The following TPX2 variants were observed in gnomAD, a reference collection of about 807,000 sequenced individuals.
TPX2 encodes the protein targeting protein for Xklp2.
In TPX2, 21 loss-of-function variants were observed where a neutral mutation model predicts 93.6. That is an observed-to-expected ratio of 0.22 (90% CI 0.16 to 0.32). The LOEUF (loss-of-function observed/expected upper bound fraction) is 0.32. Among genes scored for constraint, TPX2 ranks in the 10% least tolerant of loss-of-function variants. TPX2 has a pLI of 1.00. For synonymous variants in TPX2, 281 were observed against 298.3 expected (o/e 0.94, Z 0.60); for missense variants, 776 against 871.1 (o/e 0.89, Z 1.37).
intron 13 of TPX2, 75 bp from the exon 14 acceptor site, chr20:31,793,773 G>A (rs2062117434): frequency 2.2e-6 from 3 of 1,359,648 alleles, no homozygotes; most frequent in South Asian, 1.7e-5. Context: ...TTAATATAAT[G>A]TCTTCTGACT....
chr20:31,772,772 C>A (rs1023529987), intron 7 of TPX2, among the ~76,000 whole-genome samples: 3 of 152,020 alleles, frequency 2.0e-5, no homozygotes, highest in Admixed American at 1.3e-4. Flanking sequence ...TAACTATTTT[C>A]TGTTGAAAAT....
intron 2 of TPX2, among the ~76,000 whole-genome samples, chr20:31,753,991 A>C (rs2061836088): frequency 6.6e-6 from 1 of 152,126 alleles, no homozygotes; most frequent in Non-Finnish European, 1.5e-5. Context: ...ATGCCACTGC[A>C]CTCCAGCCTG....
At chr20:31,778,516 T>G (rs1261878984) in intron 9 of TPX2, among the ~76,000 whole-genome samples, 1 of 152,182 alleles carries the variant, frequency 6.6e-6, no homozygotes, top group Non-Finnish European at 1.5e-5. Context: ...TGTCTTCAAT[T>G]CTAAGATAGC....
At chr20:31,758,119 A>ATT (rs35354345) in intron 3 of TPX2, among the ~76,000 whole-genome samples, 13 of 115,258 alleles carry the variant, frequency 1.1e-4, no homozygotes, top group East Asian at 5.1e-4. Context: ...CCCTCAATTC[A>ATT]TTTTTTTTTT....
chr20:31,749,368 C>T (rs570504616), intron 2 of TPX2, among the ~76,000 whole-genome samples: 71 of 152,354 alleles, frequency 4.7e-4, no homozygotes, highest in African/African-American at 1.7e-3. Flanking sequence ...GTAAATCTCT[C>T]TGTGCCTCAA....
intron 12 of TPX2, 120 bp from the exon 13 acceptor site, chr20:31,792,615 C>A: frequency 1.1e-6 from 1 of 941,720 alleles, no homozygotes; most frequent in Non-Finnish European, 1.7e-6. Context: ...AGTTTGAGAC[C>A]AGCTGGGCAA....
chr20:31,775,853 G>T lies in TPX2; in HGVS notation c.609-14G>T. The T allele has an allele frequency of 6.5e-7, 1 of 1,543,944 alleles. No homozygotes were observed. The highest frequency in any genetic ancestry group is 1.3e-5 in the South Asian group (1 of 79,074). On this transcript the variant is annotated splice_polypyrimidine_tract_variant and intron_variant, in intron 7 of 17. Coordinates refer to ENST00000300403, the MANE Select transcript of TPX2 (RefSeq NM_012112.5). ...CTCCTCTCCTCTCTTCTCATTTACT[G>T]ATTTTCTCTTTAGGCAGAAGTTTCT...
At chr20:31,748,569 T>G (rs2061798523) in intron 2 of TPX2, among the ~76,000 whole-genome samples, 1 of 152,226 alleles carries the variant, frequency 6.6e-6, no homozygotes, top group Non-Finnish European at 1.5e-5. Context: ...GGGCAGGATT[T>G]GTCTTTGTTG....
In TPX2 at chr20:31,798,561, G is replaced by A. The variant is rs1191461401; in HGVS notation, c.2133+9G>A. The A allele has an allele frequency of 6.3e-7, 1 of 1,597,874 alleles. No individual in the cohort carries two copies. The highest frequency in any genetic ancestry group is 1.1e-5 in the South Asian group (1 of 88,914). ...GGCTACGGAGAGAACTGGTAACTGG[G>A]AGCATGAGCACTGACGAACACAAAC... On this transcript the variant is annotated intron_variant, in intron 17 of 17. Transcript: ENST00000300403.
intron 5 of TPX2, among the ~76,000 whole-genome samples, chr20:31,768,582 C>T (rs1402529570): frequency 6.6e-6 from 1 of 152,072 alleles, no homozygotes; most frequent in Non-Finnish European, 1.5e-5. Context: ...CAGAAAAGCA[C>T]TGACCATAAT....
intron 7 of TPX2, among the ~76,000 whole-genome samples, chr20:31,774,347 G>C (rs190300581): frequency 2.6e-5 from 4 of 152,216 alleles, no homozygotes; most frequent in Admixed American, 1.3e-4. Context: ...TTGCTGACAA[G>C]ATTGTATTAC....
chr20:31,771,948 C>T (rs6142553), intron 7 of TPX2, among the ~76,000 whole-genome samples: 14,199 of 151,590 alleles, frequency 0.094, 1,126 homozygotes, highest in East Asian at 0.38. Context: ...ACCTCCTGGG[C>T]TTACGTGATC....
At chr20:31,773,870 A>ATT (rs530579680) in intron 7 of TPX2, among the ~76,000 whole-genome samples, 1 of 142,240 alleles carries the variant, frequency 7.0e-6, no homozygotes. Flanking sequence ...GAACATTTGG[A>ATT]TTTTTTTTTT....
At chr20:31,760,592 A>G (rs2061883443) in intron 4 of TPX2, among the ~76,000 whole-genome samples, 1 of 152,122 alleles carries the variant, frequency 6.6e-6, no homozygotes, top group South Asian at 2.1e-4. Context: ...CCGGGCTTCA[A>G]GTGATCTTCC....
intron 2 of TPX2, 29 bp downstream of exon 2, chr20:31,742,676 CATTAATAT>C (rs2061760002): frequency 1.3e-5 from 2 of 152,084 alleles, no homozygotes; most frequent in Admixed American, 6.6e-5. Flanking sequence ...GAATAAGGAA[CATTAATAT>C]ATCAGCTTCA....
In TPX2 at chr20:31,781,411, G is replaced by A. The variant is rs187065041; in HGVS notation, c.1055-838G>A. On this transcript the variant is annotated intron_variant, in intron 10 of 17. Coordinates refer to ENST00000300403, the MANE Select transcript of TPX2 (RefSeq NM_012112.5). ...CTCCCGAGTAGCTGAGACTACAGGC[G>A]CCTGCCACCACGCCCGGTTAATTTT... Among the ~76,000 whole-genome samples, 13 of 151,596 alleles carry A rather than the reference G, an allele frequency of 8.6e-5. No homozygotes were observed. The East Asian group carries it at 1.6e-3, about 18-fold the overall frequency.
At chr20:31,796,645 T>G (rs1461068492) in intron 15 of TPX2, among the ~76,000 whole-genome samples, 1 of 152,142 alleles carries the variant, frequency 6.6e-6, no homozygotes, top group Non-Finnish European at 1.5e-5. Context: ...GTTCCTCTGT[T>G]GCTTGTATTT....
intron 12 of TPX2, among the ~76,000 whole-genome samples, chr20:31,789,814 A>G (rs1025292712): frequency 1.3e-5 from 2 of 152,204 alleles, no homozygotes; most frequent in African/African-American, 2.4e-5. Context: ...TATCTCCTTC[A>G]TGGCCTACTT....
At chr20:31,750,703 TAGAA>T (rs1182277075) in intron 2 of TPX2, among the ~76,000 whole-genome samples, 1 of 152,126 alleles carries the variant, frequency 6.6e-6, no homozygotes, top group Non-Finnish European at 1.5e-5. Flanking sequence ...ATAGAAATAT[TAGAA>T]AGAGAATATG....
Sources: allele counts gnomAD v4.1 joint callset (sites outside exome capture counted in the v4.1 genomes callset), GRCh38; gene constraint gnomAD v4.1.1; transcripts MANE v1.5; gene names NCBI Gene and HGNC (gene_info 2026-07-23, HGNC 2026-07-21).